Variants in SLC9A9 observed in about 807,000 individuals in gnomAD.
SLC9A9 encodes the protein solute carrier family 9 member A9.
In SLC9A9, 62 loss-of-function variants were observed where a neutral mutation model predicts 77.8. The observed-to-expected ratio is 0.80, with a 90% CI of 0.65 to 0.98. The LOEUF is 0.98. SLC9A9 is among the 50% of genes least tolerant of loss of function. The pLI, the probability that SLC9A9 is intolerant of heterozygous loss-of-function variation, is 0.00. For missense variants in SLC9A9, 775 were observed against 774.9 expected, an observed-to-expected ratio of 1.00 and a Z score of 0.00; for synonymous variants, 320 against 283.5, an observed-to-expected ratio of 1.13 and a Z score of -1.29.
intron 14 of SLC9A9, among the ~76,000 whole-genome samples, chr3:143,335,278 TTAAA>T (rs1197860874): frequency 2.6e-5 from 4 of 152,166 alleles, no homozygotes; most frequent in South Asian, 2.1e-4. Flanking sequence ...AAAACACTGA[TTAAA>T]GAAATAAATA....
rs186204166 is a variant in SLC9A9 at position 143,727,150 on chromosome 3, G to A, written c.534-33843C>T. Among the ~76,000 whole-genome samples, 139 of 152,246 alleles carry A rather than the reference G, an allele frequency of 9.1e-4. 1 individual carries two copies. Among genetic ancestry groups the A allele is most frequent in the Non-Finnish European group, 3.7e-4 (25 of 68,018 alleles). On this transcript the variant is annotated intron_variant, in intron 4 of 15. Transcript: ENST00000316549. ...TATAATTAACACCATCTGGCACATA[G>A]CAGGTATTTAATAATAAATATTCAT...
chr3:143,314,180 G>A (rs562369837), intron 14 of SLC9A9: 1 of 152,346 alleles, frequency 6.6e-6, no homozygotes, highest in East Asian at 1.9e-4. Context: ...CACTTTGCTA[G>A]CACATTACTA....
intron 12 of SLC9A9, among the ~76,000 whole-genome samples, chr3:143,439,252 A>T (rs1025361384): frequency 2.6e-5 from 4 of 152,224 alleles, no homozygotes; most frequent in African/African-American, 9.6e-5. Flanking sequence ...ATGATGAAGC[A>T]GATGTGCAGA....
At chr3:143,639,025 C>A (rs375394646) in intron 6 of SLC9A9, among the ~76,000 whole-genome samples, 8 of 152,252 alleles carry the variant, frequency 5.3e-5, no homozygotes, top group African/African-American at 1.9e-4. Flanking sequence ...ACTTGGTCAC[C>A]TGAAATAAAA....
intron 9 of SLC9A9, among the ~76,000 whole-genome samples, chr3:143,498,975 T>C (rs1202126874): frequency 6.6e-6 from 1 of 152,238 alleles, no homozygotes; most frequent in Non-Finnish European, 1.5e-5. Context: ...TTTGGGGCTA[T>C]GATAAATTTT....
chr3:143,760,922 T>C (rs549177514), intron 4 of SLC9A9, among the ~76,000 whole-genome samples: 49 of 152,074 alleles, frequency 3.2e-4, no homozygotes, highest in African/African-American at 1.1e-3. Flanking sequence ...GGAGGCATCA[T>C]GCTACCTGAC....
At chr3:143,357,992 T>C (rs2032640372) in intron 14 of SLC9A9, among the ~76,000 whole-genome samples, 2 of 151,162 alleles carry the variant, frequency 1.3e-5, no homozygotes, top group African/African-American at 4.9e-5. Flanking sequence ...AAAAAAATTC[T>C]GTCAAGTTTT....
At chr3:143,842,654 CT>C (rs2009737519) in intron 1 of SLC9A9, among the ~76,000 whole-genome samples, 1 of 152,194 alleles carries the variant, frequency 6.6e-6, no homozygotes, top group South Asian at 2.1e-4. Flanking sequence ...AAAAATGCTT[CT>C]GCAAACTGTG....
intron 4 of SLC9A9, among the ~76,000 whole-genome samples, chr3:143,783,474 G>A (rs995011381): frequency 4.6e-5 from 7 of 152,042 alleles, no homozygotes; most frequent in African/African-American, 1.4e-4. Context: ...GTGTGGTCTC[G>A]CAGTCCTACC....
At chr3:143,520,566 T>A (rs1027023686) in intron 9 of SLC9A9, among the ~76,000 whole-genome samples, 1 of 152,246 alleles carries the variant, frequency 6.6e-6, no homozygotes, top group African/African-American at 2.4e-5. Flanking sequence ...CAGGTCCTGT[T>A]ATAATACTTT....
At chr3:143,630,125 G>A (rs1170095781) in intron 6 of SLC9A9, among the ~76,000 whole-genome samples, 1 of 152,052 alleles carries the variant, frequency 6.6e-6, no homozygotes, top group African/African-American at 2.4e-5. Flanking sequence ...AAAACTGACA[G>A]ACAACCTTTT....
chr3:143,614,824 G>T (rs1303911235), intron 6 of SLC9A9, among the ~76,000 whole-genome samples: 1 of 152,182 alleles, frequency 6.6e-6, no homozygotes, highest in Non-Finnish European at 1.5e-5. Flanking sequence ...TCAAAAGATA[G>T]CCATGAGCCC....
At chr3:143,742,780 A>C (rs948984551) in intron 4 of SLC9A9, among the ~76,000 whole-genome samples, 2 of 152,168 alleles carry the variant, frequency 1.3e-5, no homozygotes, top group African/African-American at 4.8e-5. Context: ...CAAATGTACA[A>C]AATTAGTGTA....
intron 4 of SLC9A9, among the ~76,000 whole-genome samples, chr3:143,737,308 G>A (rs1489646462): frequency 6.6e-6 from 1 of 152,072 alleles, no homozygotes; most frequent in African/African-American, 2.4e-5. Flanking sequence ...TGTGCTTCCT[G>A]TTAGTCATTT....
At position 143,848,357 on chromosome 3, in the gene SLC9A9, C is replaced by T. The variant is rs2009875515; in HGVS notation, c.-35G>A. On this transcript the variant is annotated 5_prime_UTR_variant, in exon 1 of 16. Transcript: ENST00000316549. Reference sequence around the variant, plus strand: ...TTCTTGGGATTCCTTAGATAAAAACCTGGATAAAGGCTATTTTATCAAGAT... The same window carrying T: ...TTCTTGGGATTCCTTAGATAAAAACTTGGATAAAGGCTATTTTATCAAGAT... 1 of 1,613,564 alleles carries T rather than the reference C, an allele frequency of 6.2e-7. No homozygotes were observed. The highest frequency in any genetic ancestry group is 8.5e-7 in the Non-Finnish European group (1 of 1,179,630).
intron 2 of SLC9A9, among the ~76,000 whole-genome samples, chr3:143,822,976 A>C (rs1312297431): frequency 7.0e-6 from 1 of 143,252 alleles, no homozygotes; most frequent in Non-Finnish European, 1.5e-5. Flanking sequence ...ATCACAGAGC[A>C]CACATAATTC....
intron 14 of SLC9A9, among the ~76,000 whole-genome samples, chr3:143,332,062 G>GAAAATAAT (rs1268457146): frequency 6.6e-6 from 1 of 152,146 alleles, no homozygotes; most frequent in Non-Finnish European, 1.5e-5. Context: ...AAGAAAATAA[G>GAAAATAAT]AAATAGATTG....
At chr3:143,401,693 C>T (rs1393530069) in intron 12 of SLC9A9, among the ~76,000 whole-genome samples, 1 of 152,072 alleles carries the variant, frequency 6.6e-6, no homozygotes, top group African/African-American at 2.4e-5. Flanking sequence ...TGTTCCTATT[C>T]CTAGGCTGGA....
In SLC9A9 at chr3:143,266,994, A is replaced by C. The variant is rs1937744516; in HGVS notation, c.1711-65T>G. The stretch of plus-strand genomic sequence containing the variant: ...AGGCAGAAAACAATAGCAGTCCTAC[A>C]ATTTTTTTTTTTTTTTAAACAGAAT... On this transcript the variant is annotated intron_variant, in intron 15 of 15. Coordinates refer to ENST00000316549, the MANE Select transcript of SLC9A9 (RefSeq NM_173653.4). 5 of 1,477,426 alleles carry C rather than the reference A, an allele frequency of 3.4e-6. No homozygotes were observed. The South Asian group carries it at 6.0e-5, about 18-fold the overall frequency. 91.5% of individuals were successfully genotyped at this position (1,477,426 alleles called of 1,614,324 possible).
Sources: allele counts gnomAD v4.1 joint callset (sites outside exome capture counted in the v4.1 genomes callset), GRCh38; gene constraint gnomAD v4.1.1; transcripts MANE v1.5; gene names NCBI Gene and HGNC (gene_info 2026-07-23, HGNC 2026-07-21).